SEC24B: variants seen among roughly 807,000 people sequenced by gnomAD.
The protein encoded by SEC24B is SEC24 homolog B, COPII component.
A neutral mutation model predicts 142.8 loss-of-function variants in SEC24B; 45 were observed. The observed-to-expected ratio is 0.32, with a 90% CI of 0.25 to 0.40. SEC24B has a LOEUF of 0.40. SEC24B is among the 10% of genes least tolerant of loss of function. SEC24B has a pLI of 1.00. For synonymous variants in SEC24B, 574 were observed against 568.2 expected (o/e 1.01, Z -0.15); for missense variants, 1,409 against 1,526.8 (o/e 0.92, Z 1.29).
intron 1 of SEC24B, 73 bp from the exon 2 acceptor site, chr4:109,462,828 A>G (rs937740115): frequency 4.2e-6 from 5 of 1,185,734 alleles, no homozygotes; most frequent in Admixed American, 4.3e-5. Flanking sequence ...TAATTGCTTC[A>G]ATATTTAAAT....
At chr4:109,535,389 T>TA (rs1423737871) in intron 22 of SEC24B, among the ~76,000 whole-genome samples, 1 of 150,226 alleles carries the variant, frequency 6.7e-6, no homozygotes, top group Non-Finnish European at 1.5e-5. Flanking sequence ...CCGTTTCTAT[T>TA]AAAAAATACA....
rs781527364 is a variant in SEC24B at position 109,482,979 on chromosome 4, T to TATATATAC, written c.1165+1199_1165+1200insTATATACA. 1.3e-3 allele frequency among the ~76,000 whole-genome samples: 33 copies of TATATATAC among 26,386 alleles called. 1 individual carries two copies. Among genetic ancestry groups the TATATATAC allele is most frequent in the Non-Finnish European group, 1.5e-3 (20 of 13,298 alleles). 17.3% of individuals were successfully genotyped at this position (26,386 alleles called of 152,430 possible). Reference sequence around the variant, plus strand: ...ATATATATATATATATATATATATATACACACACACACACACACACACACA... The same window carrying TATATATAC: ...ATATATATATATATATATATATATATATATATACACACACACACACACACACACACACA... On this transcript the variant is annotated intron_variant, in intron 4 of 23. Transcript: ENST00000265175.
At chr4:109,506,117 T>C (rs1474310831) in intron 6 of SEC24B, among the ~76,000 whole-genome samples, 1 of 152,168 alleles carries the variant, frequency 6.6e-6, no homozygotes, top group Non-Finnish European at 1.5e-5. Flanking sequence ...GAAATTTCAT[T>C]GCGAGGGTTA....
At chr4:109,521,364 A>G in intron 13 of SEC24B, 56 bp from the exon 14 acceptor site, 4 of 1,448,776 alleles carry the variant, frequency 2.8e-6, no homozygotes, top group Non-Finnish European at 3.9e-6. Flanking sequence ...ATGTTTTAAA[A>G]TAAGATTATT....
chr4:109,440,166 A>AGG (rs1728809219), intron 1 of SEC24B, among the ~76,000 whole-genome samples: 1 of 151,908 alleles, frequency 6.6e-6, no homozygotes, highest in African/African-American at 2.4e-5. Context: ...TATGTAAACA[A>AGG]GGGTCTTATA....
intron 5 of SEC24B, 119 bp downstream of exon 5, chr4:109,491,526 A>C: frequency 1.4e-6 from 1 of 708,010 alleles, no homozygotes; most frequent in Non-Finnish European, 2.3e-6. Context: ...GAAAAAAAGG[A>C]CATTTTTCTG....
intron 8 of SEC24B, 123 bp from the exon 9 acceptor site, chr4:109,511,834 T>C: frequency 3.2e-6 from 3 of 934,944 alleles, no homozygotes; most frequent in South Asian, 1.9e-5. Context: ...ATTAATATGC[T>C]TCCATATAAA....
intron 6 of SEC24B, among the ~76,000 whole-genome samples, chr4:109,499,955 C>G (rs950600418): frequency 5.3e-5 from 8 of 152,294 alleles, no homozygotes; most frequent in African/African-American, 1.9e-4. Context: ...GAGATGACAG[C>G]TCCTTACATG....
intron 2 of SEC24B, among the ~76,000 whole-genome samples, chr4:109,464,963 C>G (rs972207485): frequency 2.0e-5 from 3 of 152,154 alleles, no homozygotes; most frequent in African/African-American, 7.2e-5. Context: ...TTCCACTCTG[C>G]CACCTGCAGC....
At chr4:109,538,909 C>T (rs1038461950) in intron 23 of SEC24B, among the ~76,000 whole-genome samples, 9 of 152,014 alleles carry the variant, frequency 5.9e-5, no homozygotes, top group African/African-American at 1.2e-4. Context: ...CTCAGACTCC[C>T]GAGTAGCTGG....
intron 10 of SEC24B, among the ~76,000 whole-genome samples, chr4:109,515,909 G>GT (rs1329673844): frequency 6.7e-6 from 1 of 148,898 alleles, no homozygotes; most frequent in East Asian, 2.0e-4. Context: ...TTAGCTCTGC[G>GT]TGGAGGCATG....
At chr4:109,529,227 AG>A (rs1167671927) in intron 18 of SEC24B, among the ~76,000 whole-genome samples, 2 of 151,966 alleles carry the variant, frequency 1.3e-5, no homozygotes, top group Non-Finnish European at 2.9e-5. Flanking sequence ...TAAAATCAAA[AG>A]CTTGTATATC....
In SEC24B at chr4:109,514,800, G is replaced by A. The variant is rs184405608; in HGVS notation, c.2013+944G>A. On this transcript the variant is annotated intron_variant, in intron 10 of 23. Coordinates refer to ENST00000265175, the MANE Select transcript of SEC24B (RefSeq NM_006323.5). ...CTGCTGCTAGTGAAAAGGAGTAAGC[G>A]ATGTGCATTAAATTTTTGGCGCCTG... Among the ~76,000 whole-genome samples the A allele has an allele frequency of 5.3e-5, 8 of 152,324 alleles. No individual in the cohort carries two copies. The East Asian group carries it at 1.4e-3, about 26-fold the overall frequency.
intron 4 of SEC24B, among the ~76,000 whole-genome samples, chr4:109,485,472 G>C (rs973098054): frequency 1.3e-5 from 2 of 152,158 alleles, no homozygotes; most frequent in African/African-American, 2.4e-5. Context: ...GCACATGACG[G>C]TAGTCACTAC....
intron 22 of SEC24B, among the ~76,000 whole-genome samples, chr4:109,534,290 T>C (rs953736563): frequency 6.6e-6 from 1 of 151,704 alleles, no homozygotes; most frequent in South Asian, 2.1e-4. Context: ...TTTTTTTTTT[T>C]ATACTATTAA....
chr4:109,537,171 A>C (rs923521191), intron 22 of SEC24B, among the ~76,000 whole-genome samples: 1 of 144,860 alleles, frequency 6.9e-6, no homozygotes, highest in Non-Finnish European at 1.5e-5. Context: ...CCTCACTCAT[A>C]ATTAGGAAAA....
chr4:109,474,309 A>G (rs1298519902), intron 3 of SEC24B, among the ~76,000 whole-genome samples: 1 of 152,196 alleles, frequency 6.6e-6, no homozygotes, highest in Non-Finnish European at 1.5e-5. Context: ...AGCCCTAACT[A>G]AATGAATGGT....
chr4:109,437,964 A>C (rs955436847), intron 1 of SEC24B, among the ~76,000 whole-genome samples: 1 of 152,186 alleles, frequency 6.6e-6, no homozygotes, highest in Non-Finnish European at 1.5e-5. Context: ...AGGATATTGT[A>C]TATAGATCCC....
chr4:109,497,177 C>G (rs1735624977), intron 6 of SEC24B, among the ~76,000 whole-genome samples: 1 of 152,226 alleles, frequency 6.6e-6, no homozygotes, highest in Non-Finnish European at 1.5e-5. Context: ...CAAAAGAGAT[C>G]ATGTGGCTCT....
Sources: allele counts gnomAD v4.1 joint callset (sites outside exome capture counted in the v4.1 genomes callset), GRCh38; gene constraint gnomAD v4.1.1; transcripts MANE v1.5; gene names NCBI Gene and HGNC (gene_info 2026-07-23, HGNC 2026-07-21).